Variants in TMEM132C observed in about 807,000 individuals in gnomAD.
The protein encoded by TMEM132C is transmembrane protein 132C, also known as protein phosphatase 1, regulatory subunit 152.
Under a neutral mutation model 61.4 loss-of-function variants are expected in TMEM132C, and 29 were observed. The observed-to-expected ratio is 0.47, with a 90% CI of 0.35 to 0.64. The LOEUF (loss-of-function observed/expected upper bound fraction) is 0.64, where lower values mean the gene tolerates loss of function less well. Among genes scored for constraint, TMEM132C ranks in the 30% least tolerant of loss-of-function variants. The pLI is 0.00. For missense variants in TMEM132C, 1,408 were observed against 1,476.9 expected (o/e 0.95, Z 0.76); for synonymous variants, 656 against 633.1 (o/e 1.04, Z -0.54).
chr12:128,597,045 T>C (rs564562882), intron 3 of TMEM132C, among the ~76,000 whole-genome samples: 7 of 152,096 alleles, frequency 4.6e-5, no homozygotes, highest in Non-Finnish European at 1.0e-4. Flanking sequence ...TAGAAGTGAG[T>C]TTCCTTCTCT....
chr12:128,280,998 T>C (rs1204807099), intron 1 of TMEM132C, among the ~76,000 whole-genome samples: 1 of 152,100 alleles, frequency 6.6e-6, no homozygotes, highest in African/African-American at 2.4e-5. Flanking sequence ...CGATACATAT[T>C]CCTACATCTC....
In TMEM132C at chr12:128,697,308, A is replaced by G; in HGVS notation, c.2014A>G (p.Ile672Val). ...CAAAGTATCGGTGACAGACTTGGCC[A>G]TCCAGCTCGTGGCTGGGCTGTCTGT... Reference protein sequence around the residue: ...DDKVSVTDLAIQLVAGLSVAL... With the variant: ...DDKVSVTDLAVQLVAGLSVAL... Residue 672 changes from isoleucine (I) to valine (V), a missense_variant, in exon 8 of 9, where the codon ATC becomes GTC. Physicochemically the swap from Ile to Val is conservative, Grantham distance 29 (BLOSUM62 3). Coordinates refer to ENST00000435159, the MANE Select transcript of TMEM132C (RefSeq NM_001136103.3). 1 of 1,551,278 alleles carries G rather than the reference A, an allele frequency of 6.4e-7. No homozygotes were observed. Among genetic ancestry groups the G allele is most frequent in the African/African-American group, 1.4e-5 (1 of 73,172 alleles).
At chr12:128,302,190 T>C (rs1871620781) in intron 1 of TMEM132C, among the ~76,000 whole-genome samples, 1 of 152,218 alleles carries the variant, frequency 6.6e-6, no homozygotes, top group Admixed American at 6.5e-5. Flanking sequence ...GGTGAAGTGC[T>C]GGGATCAGGG....
chr12:128,499,963 C>A (rs538171412), intron 2 of TMEM132C, among the ~76,000 whole-genome samples: 1 of 152,172 alleles, frequency 6.6e-6, no homozygotes, highest in Non-Finnish European at 1.5e-5. Context: ...AGCCTCCATA[C>A]TGTTCTCTAT....
At chr12:128,636,860 C>T (rs1052033110) in intron 4 of TMEM132C, among the ~76,000 whole-genome samples, 1 of 152,172 alleles carries the variant, frequency 6.6e-6, no homozygotes, top group South Asian at 2.1e-4. Context: ...AATCATGCAG[C>T]GTTTTTCCCT....
chr12:128,378,316 C>T (rs1194971643), intron 1 of TMEM132C, among the ~76,000 whole-genome samples: 1 of 152,038 alleles, frequency 6.6e-6, no homozygotes, highest in Non-Finnish European at 1.5e-5. Flanking sequence ...CGGGGTTTGA[C>T]CATGTTAGCC....
rs182047802 is a variant in TMEM132C at position 128,297,871 on chromosome 12, T to C, written c.85+30384T>C. Among the ~76,000 whole-genome samples the C allele has an allele frequency of 2.0e-5, 3 of 152,314 alleles. No homozygotes were observed. In the East Asian group the frequency reaches 5.8e-4, roughly 29 times the overall value. ...TGCTCAACCTGTCTACAATTCACAA[T>C]TAAAATAGTACTTAGCCATAAAGCA... On this transcript the variant is annotated intron_variant, in intron 1 of 8. Coordinates refer to ENST00000435159, the MANE Select transcript of TMEM132C (RefSeq NM_001136103.3).
chr12:128,574,618 C>T (rs1420112851), intron 3 of TMEM132C, among the ~76,000 whole-genome samples: 1 of 152,218 alleles, frequency 6.6e-6, no homozygotes, highest in East Asian at 1.9e-4. Context: ...TTCTGGAGGG[C>T]AGGCGAGAGA....
chr12:128,583,710 C>A (rs1220484969), intron 3 of TMEM132C, among the ~76,000 whole-genome samples: 1 of 152,206 alleles, frequency 6.6e-6, no homozygotes, highest in Non-Finnish European at 1.5e-5. Flanking sequence ...CCCGAGCACC[C>A]CCAGATGGAG....
chr12:128,353,779 C>T (rs903084248), intron 1 of TMEM132C, among the ~76,000 whole-genome samples: 3 of 152,032 alleles, frequency 2.0e-5, no homozygotes, highest in Non-Finnish European at 2.9e-5. Context: ...TAGTAGTGGC[C>T]GCAACCTGGT....
At chr12:128,499,067 A>G (rs567426761) in intron 2 of TMEM132C, among the ~76,000 whole-genome samples, 2 of 152,324 alleles carry the variant, frequency 1.3e-5, no homozygotes, top group East Asian at 3.9e-4. Context: ...GACCCAGAAT[A>G]GCCAAAATCA....
chr12:128,688,688 G>C (rs1954696466), intron 5 of TMEM132C, among the ~76,000 whole-genome samples: 1 of 152,184 alleles, frequency 6.6e-6, no homozygotes, highest in African/African-American at 2.4e-5. Context: ...AAGGCTGAAA[G>C]TAAAAGAGAG....
At chr12:128,352,076 A>C (rs1346536821) in intron 1 of TMEM132C, among the ~76,000 whole-genome samples, 2 of 152,140 alleles carry the variant, frequency 1.3e-5, no homozygotes, top group Non-Finnish European at 2.9e-5. Context: ...TCAGGTCTTC[A>C]CTGATTGCAC....
At chr12:128,340,847 C>CTCTT (rs57873919) in intron 1 of TMEM132C, among the ~76,000 whole-genome samples, 9,384 of 142,072 alleles carry the variant, frequency 0.066, 1,103 homozygotes, top group African/African-American at 0.24. Context: ...CTCTCTTTCT[C>CTCTT]TCTTTCTTTC....
chr12:128,698,405 C>T (rs1954780742), intron 8 of TMEM132C, among the ~76,000 whole-genome samples: 1 of 152,182 alleles, frequency 6.6e-6, no homozygotes. Flanking sequence ...TAGAACAATA[C>T]TTATGAGAAG....
chr12:128,430,662 A>G (rs980613200), intron 2 of TMEM132C, among the ~76,000 whole-genome samples: 3 of 152,156 alleles, frequency 2.0e-5, no homozygotes, highest in Non-Finnish European at 4.4e-5. Context: ...GCACGTGCTC[A>G]CTTCCTGTCT....
In TMEM132C at chr12:128,705,944, C is replaced by G; in HGVS notation, c.2976C>G (p.Asp992Glu). Residue 992 changes from aspartate to glutamate, a missense_variant, in exon 9 of 9, where the codon GAC (aspartate) becomes GAG (glutamate). Asp to Glu is a conservative substitution (Grantham distance 45). Coordinates refer to ENST00000435159, the MANE Select transcript of TMEM132C (RefSeq NM_001136103.3). ...ESMGDAPPPQ[D>E]EHTTIIDRGP... ...TGGGGGATGCGCCGCCGCCCCAGGA[C>G]GAGCACACCACCATCATAGACCGCG... The G allele has an allele frequency of 6.4e-7, 1 of 1,551,498 alleles. No individual in the cohort carries two copies. Among genetic ancestry groups the G allele is most frequent in the Non-Finnish European group, 8.7e-7 (1 of 1,146,962 alleles).
chr12:128,336,954 T>C (rs988546517), intron 1 of TMEM132C, among the ~76,000 whole-genome samples: 9 of 152,228 alleles, frequency 5.9e-5, no homozygotes, highest in Non-Finnish European at 1.3e-4. Flanking sequence ...ATTGCTTTTA[T>C]GTGGAATGTT....
intron 4 of TMEM132C, among the ~76,000 whole-genome samples, chr12:128,635,614 G>A (rs1954097545): frequency 6.6e-6 from 1 of 152,096 alleles, no homozygotes; most frequent in Non-Finnish European, 1.5e-5. Context: ...GGGGCCACCT[G>A]CCACCAGGTT....
Sources: allele counts gnomAD v4.1 joint callset (sites outside exome capture counted in the v4.1 genomes callset), GRCh38; gene constraint gnomAD v4.1.1; transcripts MANE v1.5; gene names NCBI Gene and HGNC (gene_info 2026-07-23, HGNC 2026-07-21).